UBAC1: variants seen among roughly 807,000 people sequenced by gnomAD.
UBAC1 encodes UBA domain containing 1.
Under a neutral mutation model 45.9 loss-of-function variants are expected in UBAC1, and 27 were observed. That is an observed-to-expected ratio of 0.59 (90% CI 0.43 to 0.81). The LOEUF is 0.81. Ranked by LOEUF, UBAC1 falls within the 30% of genes least tolerant of loss-of-function variation. UBAC1 has a pLI of 0.00. For synonymous variants in UBAC1, 227 were observed against 215.5 expected (o/e 1.05, Z -0.47); for missense variants, 529 against 539.2 (o/e 0.98, Z 0.19).
chr9:135,955,259 G>C, intron 2 of UBAC1, 36 bp downstream of exon 2: 1 of 1,517,308 alleles, frequency 6.6e-7, no homozygotes, highest in Non-Finnish European at 8.8e-7. Flanking sequence ...AGTGCACGAT[G>C]CCTGCTGCCA....
At chr9:135,937,170 G>A (rs1334909196) in intron 9 of UBAC1, among the ~76,000 whole-genome samples, 1 of 152,070 alleles carries the variant, frequency 6.6e-6, no homozygotes, top group Non-Finnish European at 1.5e-5. Context: ...CTCAGCTCCT[G>A]GGGACCAACA....
chr9:135,941,741 T>C (rs916146466), intron 7 of UBAC1, among the ~76,000 whole-genome samples: 1 of 150,706 alleles, frequency 6.6e-6, no homozygotes, highest in South Asian at 2.2e-4. Context: ...GGCCTTGCGC[T>C]CACGGGCTGC....
chr9:135,937,950 G>A (rs1019445472), intron 9 of UBAC1, among the ~76,000 whole-genome samples: 3 of 152,144 alleles, frequency 2.0e-5, no homozygotes, highest in East Asian at 1.9e-4. Context: ...GCTGGCCCTC[G>A]GAAAGCCACT....
chr9:135,956,321 C>T (rs995487119), intron 1 of UBAC1, among the ~76,000 whole-genome samples: 5 of 152,206 alleles, frequency 3.3e-5, no homozygotes, highest in East Asian at 1.9e-4. Context: ...CTCCTCAATT[C>T]GGCCAGCATC....
Position 135,937,515 on chromosome 9 carries a change from T to C in UBAC1, c.1102+707A>G, listed in dbSNP as rs116768611. On this transcript the variant is annotated intron_variant, in intron 9 of 9. Transcript: ENST00000371756. ...CAACGAGCCCTGGGTTCCCAGTGCC[T>C]TCCATCAAGAAAATACTCCACAACC... is the stretch of plus-strand genomic sequence containing the variant. Among the ~76,000 whole-genome samples the C allele has an allele frequency of 8.0e-3, 1,203 of 150,464 alleles. 19 individuals are homozygous for C. Among genetic ancestry groups the C allele is most frequent in the African/African-American group, 0.027 (1,100 of 40,980 alleles).
chr9:135,958,049 CTTT>C (rs756622970), intron 1 of UBAC1, among the ~76,000 whole-genome samples: 2 of 126,328 alleles, frequency 1.6e-5, no homozygotes, highest in Admixed American at 8.0e-5. Context: ...GTATAATTTT[CTTT>C]TTTTTTTTTT....
In UBAC1 at chr9:135,947,786, G is replaced by A. The variant is rs749607529; in HGVS notation, c.441+12C>T. 1.2e-6 allele frequency: 2 copies of A among 1,610,788 alleles called. No homozygotes were observed. The highest frequency in any genetic ancestry group is 3.4e-5 in the Admixed American group (2 of 59,518). On this transcript the variant is annotated intron_variant, in intron 4 of 9. Transcript: ENST00000371756. ...CCCCATGCACCCGCCGCCGCTCTGG[G>A]CTGACACTCACGTCTCTCATGTTGG...
At chr9:135,950,071 T>C (rs2131090600) in intron 3 of UBAC1, among the ~76,000 whole-genome samples, 1 of 152,172 alleles carries the variant, frequency 6.6e-6, no homozygotes, top group South Asian at 2.1e-4. Context: ...CCGGAAGACC[T>C]CAGAAGCAGA....
At chr9:135,943,001 C>T (rs905935336) in intron 7 of UBAC1, among the ~76,000 whole-genome samples, 10 of 152,278 alleles carry the variant, frequency 6.6e-5, no homozygotes, top group African/African-American at 1.9e-4. Context: ...CAGAAGGGAA[C>T]GTTTTTGCAA....
intron 3 of UBAC1, among the ~76,000 whole-genome samples, chr9:135,949,173 T>C (rs1255451521): frequency 6.6e-6 from 1 of 151,946 alleles, no homozygotes; most frequent in Non-Finnish European, 1.5e-5. Context: ...ACCAGAACAC[T>C]AGAAGACATC....
At chr9:135,956,395 C>T (rs968333376) in intron 1 of UBAC1, among the ~76,000 whole-genome samples, 90 of 152,290 alleles carry the variant, frequency 5.9e-4, no homozygotes, top group African/African-American at 2.0e-3. Context: ...TGCGGGAGTC[C>T]TGCTTTCCTT....
intron 4 of UBAC1, 26 bp from the exon 5 acceptor site, chr9:135,946,397 T>G: frequency 6.9e-7 from 1 of 1,453,610 alleles, no homozygotes; most frequent in Non-Finnish European, 9.7e-7. Flanking sequence ...AGGAGATCAA[T>G]TCTCTAAATG....
intron 3 of UBAC1, among the ~76,000 whole-genome samples, chr9:135,952,982 G>C (rs1363080073): frequency 6.6e-6 from 1 of 152,210 alleles, no homozygotes; most frequent in Non-Finnish European, 1.5e-5. Flanking sequence ...TGTGGTGGTT[G>C]GTTACCCACT....
At chr9:135,956,434 A>G (rs2131095013) in intron 1 of UBAC1, among the ~76,000 whole-genome samples, 1 of 152,314 alleles carries the variant, frequency 6.6e-6, no homozygotes, top group Non-Finnish European at 1.5e-5. Context: ...GCGTCGGCTC[A>G]CCATTTTGTG....
chr9:135,961,011 G>C lies in UBAC1; in HGVS notation c.138+14C>G, dbSNP rs553030725. 2 of 1,538,688 alleles carry C rather than the reference G, an allele frequency of 1.3e-6. No homozygotes were observed. The highest frequency in any genetic ancestry group is 2.6e-5 in the East Asian group (1 of 38,190). ...GAGCGGGTGTTGGGGGCAGGGGAGG[G>C]GGCCCGGCCTTACGTGCTTGAGGCA... On this transcript the variant is annotated intron_variant, in intron 1 of 9. Coordinates refer to ENST00000371756, the MANE Select transcript of UBAC1 (RefSeq NM_016172.3).
rs373362222 is a variant in UBAC1 at position 135,945,125 on chromosome 9, G to A, written c.779C>T (p.Ala260Val). 7 of 1,613,916 alleles carry A rather than the reference G, an allele frequency of 4.3e-6. No individual in the cohort carries two copies. In the African/African-American group the frequency reaches 8.0e-5, roughly 18 times the overall value. ...EGATAAASEA[A>V]AGASATDEEA... The stretch of plus-strand genomic sequence containing the variant: ...CTCATCGGTGGCGCTGGCTCCCGCG[G>A]CAGCCTCGGAGGCAGCTGCTGTGGC... Residue 260 changes from alanine (A) to valine (V), a missense_variant, in exon 7 of 10, where the codon GCC (alanine) becomes GTC (valine). Ala to Val is a moderately conservative substitution (Grantham distance 64). Coordinates refer to ENST00000371756, the MANE Select transcript of UBAC1 (RefSeq NM_016172.3).
intron 1 of UBAC1, 47 bp downstream of exon 1, chr9:135,960,978 G>T: frequency 1.4e-6 from 2 of 1,443,058 alleles, no homozygotes; most frequent in Non-Finnish European, 1.8e-6. Context: ...CGCAGTCGGA[G>T]GGGTCCGGAG....
At position 135,945,113 on chromosome 9, in the gene UBAC1, C is replaced by A; in HGVS notation, c.791G>T (p.Ser264Ile). The A allele has an allele frequency of 6.2e-7, 1 of 1,614,128 alleles. No homozygotes were observed. Among genetic ancestry groups the A allele is most frequent in the Non-Finnish European group, 8.5e-7 (1 of 1,180,008 alleles). Residue 264 changes from serine (S) to isoleucine (I), a missense_variant, in exon 7 of 10, where the codon AGC becomes ATC. By Grantham distance (142) the Ser-to-Ile change is moderately radical. Transcript: ENST00000371756. ...ATCTCTGGCCTCCTCATCGGTGGCG[C>A]TGGCTCCCGCGGCAGCCTCGGAGGC... The part of the protein sequence containing the change: ...AAASEAAAGA[S>I]ATDEEARDEL...
intron 9 of UBAC1, among the ~76,000 whole-genome samples, chr9:135,935,066 T>C (rs922621713): frequency 2.0e-4 from 30 of 152,026 alleles, no homozygotes; most frequent in African/African-American, 6.8e-4. Flanking sequence ...TTTTTGTTTG[T>C]TTGCTTTTTT....
Sources: gnomAD v4.1 joint callset for allele counts (sites outside exome capture counted in the v4.1 genomes callset) on GRCh38, gnomAD v4.1.1 for gene constraint, MANE v1.5 for transcripts, NCBI Gene and HGNC (gene_info 2026-07-23, HGNC 2026-07-21) for gene names.